The following PIK3C2A variants were observed in gnomAD, a reference collection of about 807,000 sequenced individuals.
PIK3C2A encodes phosphatidylinositol 4-phosphate 3-kinase C2 domain-containing subunit alpha.
Under a neutral mutation model 204.5 loss-of-function variants are expected in PIK3C2A, and 97 were observed. The ratio of observed to expected loss-of-function variants is 0.47; its 90% CI spans 0.40 to 0.56. The LOEUF is 0.56. PIK3C2A is among the 20% of genes least tolerant of loss of function. PIK3C2A has a pLI of 0.00. For missense variants in PIK3C2A, 1,735 were observed against 1,969.2 expected (o/e 0.88, Z 2.25); for synonymous variants, 653 against 664.4 (o/e 0.98, Z 0.26).
intron 4 of PIK3C2A, among the ~76,000 whole-genome samples, chr11:17,149,960 A>C (rs1850374369): frequency 6.6e-6 from 1 of 152,200 alleles, no homozygotes; most frequent in African/African-American, 2.4e-5. Context: ...CCTTGGTTGG[A>C]ATCCCGTTAA....
chr11:17,102,204 A>C (rs921519903), intron 24 of PIK3C2A, among the ~76,000 whole-genome samples: 1 of 152,168 alleles, frequency 6.6e-6, no homozygotes, highest in East Asian at 1.9e-4. Flanking sequence ...TGGGAGGCCG[A>C]GGCGGGTAGA....
intron 18 of PIK3C2A, 37 bp from the exon 19 acceptor site, chr11:17,117,708 GTTTTTTTTTTTTT>G (rs35485246): frequency 1.3e-5 from 4 of 319,524 alleles, no homozygotes; most frequent in South Asian, 9.6e-5. Flanking sequence ...TCACGTCTTG[GTTTTTTTTTTTTT>G]TTTTTTTTTT....
intron 13 of PIK3C2A, among the ~76,000 whole-genome samples, chr11:17,123,919 T>G (rs1243762769): frequency 1.3e-5 from 2 of 152,162 alleles, no homozygotes; most frequent in African/African-American, 4.8e-5. Context: ...AAACTATAGT[T>G]TGTCAAATCT....
At chr11:17,153,772 GAATA>G (rs767135538) in intron 3 of PIK3C2A, among the ~76,000 whole-genome samples, 1 of 152,216 alleles carries the variant, frequency 6.6e-6, no homozygotes, top group South Asian at 2.1e-4. Flanking sequence ...ATGAATAAAT[GAATA>G]ATTTTAGGAG....
chr11:17,137,299 T>C (rs1849903861), intron 8 of PIK3C2A, among the ~76,000 whole-genome samples: 1 of 152,190 alleles, frequency 6.6e-6, no homozygotes, highest in African/African-American at 2.4e-5. Context: ...GAGCCTGTTT[T>C]CTAGCTCCTC....
intron 8 of PIK3C2A, chr11:17,137,924 T>G: frequency 2.4e-6 from 1 of 415,996 alleles, no homozygotes; most frequent in Non-Finnish European, 4.5e-6. Flanking sequence ...TCCTGCCTTC[T>G]AATTTTTTTA....
chr11:17,116,755 A>T (rs1215912325), intron 19 of PIK3C2A, among the ~76,000 whole-genome samples: 3 of 151,980 alleles, frequency 2.0e-5, no homozygotes, highest in Middle Eastern at 3.4e-3. Flanking sequence ...ATGCCTGGCT[A>T]ATTTTTTGTA....
chr11:17,135,424 A>T (rs1849838830), intron 9 of PIK3C2A, among the ~76,000 whole-genome samples: 1 of 152,210 alleles, frequency 6.6e-6, no homozygotes, highest in African/African-American at 2.4e-5. Context: ...ACTAATTTGA[A>T]ATCTAGAAGT....
chr11:17,178,711 GAATT>G (rs1343555507), intron 1 of PIK3C2A, among the ~76,000 whole-genome samples: 4,358 of 89,148 alleles, frequency 0.049, 1,032 homozygotes, highest in African/African-American at 0.15. Context: ...GTTGATTTTT[GAATT>G]TTTTTTTTTT....
At chr11:17,121,401 G>C (rs898605859) in intron 15 of PIK3C2A, among the ~76,000 whole-genome samples, 28 of 152,188 alleles carry the variant, frequency 1.8e-4, no homozygotes, top group African/African-American at 6.8e-4. Flanking sequence ...ACAGGCATGA[G>C]CCACCACGCC....
Position 17,145,860 on chromosome 11 carries a change from T to C in PIK3C2A, c.1640+3A>G. ...CCTGCAATTAATGCTTTAGATGATA[T>C]ACCTCGTCATGGCTTCTTTGCAAGG... On this transcript the variant is annotated splice_donor_region_variant and intron_variant, in intron 7 of 32. Transcript: ENST00000691414. 3.1e-6 allele frequency: 5 copies of C among 1,611,984 alleles called. No individual in the cohort carries two copies. Among genetic ancestry groups the C allele is most frequent in the Non-Finnish European group, 4.2e-6 (5 of 1,178,386 alleles).
intron 1 of PIK3C2A, among the ~76,000 whole-genome samples, chr11:17,206,161 T>C (rs1174733591): frequency 6.6e-6 from 1 of 152,132 alleles, no homozygotes; most frequent in African/African-American, 2.4e-5. Flanking sequence ...TAAAACATGT[T>C]ATTTGCAAAG....
chr11:17,112,491 A>T (rs933406638), intron 21 of PIK3C2A, 83 bp downstream of exon 21: 4 of 640,536 alleles, frequency 6.2e-6, no homozygotes, highest in Non-Finnish European at 1.1e-5. Flanking sequence ...TATTAAACAA[A>T]ATCACCTTTG....
Position 17,168,742 on chromosome 11 carries a change from T to C in PIK3C2A, c.1000A>G (p.Thr334Ala), listed in dbSNP as rs1851056684. 6.2e-7 allele frequency: 1 copy of C among 1,613,074 alleles called. No individual in the cohort carries two copies. The highest frequency in any genetic ancestry group is 8.5e-7 in the Non-Finnish European group (1 of 1,179,568). The change falls in exon 2 of 33, where the codon ACA becomes GCA. Residue 334 changes from threonine (T) to alanine (A), a missense_variant. This residue lies in a region of PIK3C2A where 536 missense variants were observed against 546.7 expected (regional missense o/e 0.98). Coordinates refer to ENST00000691414, the MANE Select transcript of PIK3C2A (RefSeq NM_002645.4). ...CGAATATTTAAAGACTGGCTTCTTG[T>C]AACAGTTGCCACAGAAAGGGATTTT... is the stretch of plus-strand genomic sequence containing the variant. ...NGKSLSVATVTRSQSLNIRTT... is the reference protein window; with the variant it reads ...NGKSLSVATVARSQSLNIRTT...
At chr11:17,206,790 A>T (rs2137600152) in intron 1 of PIK3C2A, among the ~76,000 whole-genome samples, 1 of 152,128 alleles carries the variant, frequency 6.6e-6, no homozygotes, top group East Asian at 1.9e-4. Context: ...TGCATCTCTT[A>T]TATGCTGTGG....
chr11:17,168,732 T>C lies in PIK3C2A; in HGVS notation c.1010A>G (p.Gln337Arg), dbSNP rs143829156. Residue 337 changes from glutamine to arginine, a missense_variant, in exon 2 of 33, where the codon CAG becomes CGG. By Grantham distance (43) the Gln-to-Arg change is conservative. This residue lies in a region of PIK3C2A where 536 missense variants were observed against 546.7 expected (regional missense o/e 0.98). Coordinates refer to ENST00000691414, the MANE Select transcript of PIK3C2A (RefSeq NM_002645.4). Reference protein sequence around the residue: ...SLSVATVTRSQSLNIRTTQLA... With the variant: ...SLSVATVTRSRSLNIRTTQLA... The stretch of plus-strand genomic sequence containing the variant: ...CTGAGTTGTTCGAATATTTAAAGAC[T>C]GGCTTCTTGTAACAGTTGCCACAGA... 601 of 1,610,970 alleles carry C rather than the reference T, an allele frequency of 3.7e-4. 5 individuals are homozygous for C. The East Asian group carries it at 0.012, about 31-fold the overall frequency.
intron 8 of PIK3C2A, among the ~76,000 whole-genome samples, chr11:17,145,418 C>T (rs1179803020): frequency 2.0e-5 from 3 of 152,062 alleles, no homozygotes; most frequent in African/African-American, 7.2e-5. Context: ...TAATGGGTCC[C>T]GTTCACTTGA....
intron 19 of PIK3C2A, among the ~76,000 whole-genome samples, chr11:17,115,187 TAGG>T (rs1316002110): frequency 4.0e-5 from 6 of 151,546 alleles, no homozygotes; most frequent in Middle Eastern, 6.4e-3. Flanking sequence ...AAGAACAAAG[TAGG>T]AGGACTTACA....
intron 25 of PIK3C2A, 26 bp downstream of exon 25, chr11:17,101,252 A>T: frequency 7.6e-7 from 1 of 1,322,616 alleles, no homozygotes; most frequent in South Asian, 1.6e-5. Flanking sequence ...TATAAAACTA[A>T]TTAAGTGCTT....
Sources: allele counts gnomAD v4.1 joint callset (sites outside exome capture counted in the v4.1 genomes callset), GRCh38; gene constraint gnomAD v4.1.1; regional missense constraint gnomAD v4.1.1; transcripts MANE v1.5; gene names NCBI Gene and HGNC (gene_info 2026-07-23, HGNC 2026-07-21).